Variants in MYO18B observed in about 807,000 individuals in gnomAD.
MYO18B encodes the protein myosin XVIIIB.
MYO18B carries 204 observed loss-of-function variants against 273.0 expected under a neutral mutation model. The observed-to-expected ratio is 0.75, with a 90% CI of 0.67 to 0.84. The LOEUF (loss-of-function observed/expected upper bound fraction) is 0.84, where lower values mean the gene tolerates loss of function less well. Among genes scored for constraint, MYO18B ranks in the 40% least tolerant of loss-of-function variants. The pLI is 0.00. For synonymous variants in MYO18B, 1,330 were observed against 1,305.7 expected (o/e 1.02, Z -0.40); for missense variants, 3,212 against 3,287.6 (o/e 0.98, Z 0.56).
chr22:25,990,714 AAAAAAAGAAAAAGAAAAAAAAAAAG>A (rs1569270753), intron 39 of MYO18B, among the ~76,000 whole-genome samples: 46 of 47,276 alleles, frequency 9.7e-4, no homozygotes, highest in Non-Finnish European at 1.5e-3. Context: ...AAAAAAAAAA[AAAAAAAGAAAAAGAAAAAAAAAAAG>A]ACTCCAGGCT....
At chr22:25,765,176 C>G (rs1052710972) in intron 3 of MYO18B, among the ~76,000 whole-genome samples, 1 of 152,160 alleles carries the variant, frequency 6.6e-6, no homozygotes, top group African/African-American at 2.4e-5. Flanking sequence ...CAGGATGGCT[C>G]TGAGCCTCAG....
chr22:25,874,227 C>CCT (rs2091128309), intron 22 of MYO18B, 59 bp from the exon 23 acceptor site: 6 of 1,604,022 alleles, frequency 3.7e-6, no homozygotes, highest in Middle Eastern at 3.4e-4. Flanking sequence ...GCAAGCACCC[C>CCT]CCCATTGTAG....
chr22:25,821,350 C>G (rs971741672), intron 12 of MYO18B, among the ~76,000 whole-genome samples: 9 of 151,994 alleles, frequency 5.9e-5, no homozygotes, highest in African/African-American at 2.2e-4. Flanking sequence ...TTTTGTCACC[C>G]CATCCTACTG....
At chr22:25,800,176 A>T (rs1569037351) in intron 12 of MYO18B, among the ~76,000 whole-genome samples, 1 of 152,012 alleles carries the variant, frequency 6.6e-6, no homozygotes, top group Non-Finnish European at 1.5e-5. Context: ...GACTTTGGGG[A>T]CTCAGGAGGG....
At chr22:25,997,968 C>CAA (rs1278356671) in intron 40 of MYO18B, among the ~76,000 whole-genome samples, 37 of 125,966 alleles carry the variant, frequency 2.9e-4, no homozygotes, top group African/African-American at 4.4e-4. Context: ...AACACACACA[C>CAA]ACACACACAC....
chr22:25,745,463 TC>T (rs2085749850), intron 1 of MYO18B, among the ~76,000 whole-genome samples: 2 of 130,530 alleles, frequency 1.5e-5, no homozygotes, highest in Admixed American at 8.2e-5. Flanking sequence ...GGTAGATTTC[TC>T]TCTCTCTGAC....
chr22:25,816,959 G>A (rs2089040819), intron 12 of MYO18B, among the ~76,000 whole-genome samples: 1 of 152,224 alleles, frequency 6.6e-6, no homozygotes, highest in South Asian at 2.1e-4. Context: ...GAGTAATTCA[G>A]CAACAGCACA....
In MYO18B at chr22:25,892,070, C is replaced by T. The variant is rs541073383; in HGVS notation, c.4543+658C>T. On this transcript the variant is annotated intron_variant, in intron 27 of 43. Transcript: ENST00000335473. ...GCTGTCTAGTGGTTAAAAGTTGGAA[C>T]CTATGAAGTTGTATTTCTGGATTTG... 3.9e-5 allele frequency among the ~76,000 whole-genome samples: 6 copies of T among 152,290 alleles called. No individual in the cohort carries two copies. The South Asian group carries it at 1.2e-3, about 32-fold the overall frequency.
At position 25,752,433 on chromosome 22, in the gene MYO18B, C is replaced by T. The variant is rs559218013; in HGVS notation, c.-109-8551C>T. ...CGATCTCCTGACCTCGTGATCCGCC[C>T]GCCTCGGCCTCACAAAGTGCTGGGA... On this transcript the variant is annotated intron_variant, in intron 1 of 43. Transcript: ENST00000335473. Among the ~76,000 whole-genome samples the T allele has an allele frequency of 6.5e-3, 988 of 151,762 alleles. 9 individuals are homozygous for T. Among genetic ancestry groups the T allele is most frequent in the African/African-American group, 0.022 (920 of 41,342 alleles).
chr22:25,835,671 C>T (rs182389489), intron 17 of MYO18B, among the ~76,000 whole-genome samples: 142 of 152,340 alleles, frequency 9.3e-4, no homozygotes, highest in Middle Eastern at 3.4e-3. Context: ...ACCAGCCTGG[C>T]GTGGGCCAGT....
At position 25,770,960 on chromosome 22, in the gene MYO18B, G is replaced by T. The variant is rs374703514; in HGVS notation, c.1668G>T (p.Glu556Asp). The change falls in exon 6 of 44, where the codon GAG becomes GAT. Residue 556 changes from glutamate (E) to aspartate (D), a missense_variant. Glu to Asp is a conservative substitution (Grantham distance 45). Coordinates refer to ENST00000335473, the MANE Select transcript of MYO18B (RefSeq NM_032608.7). ...TTGATGCTGACAAAACCATCACTGA[G>T]GTGGATGAGGAGCATGTCCATCGGG... ...LWIDADKTIT[E>D]VDEEHVHRAN... The T allele has an allele frequency of 1.3e-6, 2 of 1,552,112 alleles. No individual in the cohort carries two copies. Among genetic ancestry groups the T allele is most frequent in the African/African-American group, 1.4e-5 (1 of 73,048 alleles).
At chr22:26,032,571 G>T (rs973747799), downstream of MYO18B, among the ~76,000 whole-genome samples, 1 of 146,988 alleles carries the variant, frequency 6.8e-6, no homozygotes, top group African/African-American at 2.6e-5. Flanking sequence ...GCCCAGGCTG[G>T]AGTGCAGTGG....
chr22:25,908,350 A>G lies in MYO18B; in HGVS notation c.5177A>G (p.Glu1726Gly). 6.3e-7 allele frequency: 1 copy of G among 1,597,322 alleles called. No homozygotes were observed. The highest frequency in any genetic ancestry group is 8.5e-7 in the Non-Finnish European group (1 of 1,172,222). Reference protein sequence around the residue: ...QLRQRFELEIERMKQMHQKDR... With the variant: ...QLRQRFELEIGRMKQMHQKDR... ...CGCCAGCGGTTTGAGCTGGAGATCG[A>G]GCGGATGAAGCAGATGCACCAGAAG... Residue 1726 changes from glutamate (E) to glycine (G), a missense_variant, in exon 32 of 44, where the codon GAG (glutamate) becomes GGG (glycine). Transcript: ENST00000335473.
intron 39 of MYO18B, chr22:25,964,958 A>C (rs2092961154): frequency 6.6e-6 from 1 of 152,138 alleles, no homozygotes; most frequent in Non-Finnish European, 1.5e-5. Flanking sequence ...TCCAATCCCA[A>C]CCTTCCTGAG....
intron 42 of MYO18B, among the ~76,000 whole-genome samples, chr22:26,005,833 G>A (rs1323598651): frequency 6.6e-6 from 1 of 152,140 alleles, no homozygotes; most frequent in Non-Finnish European, 1.5e-5. Context: ...AAACTTTTGG[G>A]CATATTTGGC....
intron 22 of MYO18B, among the ~76,000 whole-genome samples, chr22:25,872,086 G>C (rs958239803): frequency 6.6e-6 from 1 of 152,018 alleles, no homozygotes; most frequent in Non-Finnish European, 1.5e-5. Context: ...ATTTCAATGA[G>C]ACTAATGGTC....
intron 39 of MYO18B, among the ~76,000 whole-genome samples, chr22:25,980,576 G>A (rs564295415): frequency 6.6e-6 from 1 of 152,234 alleles, no homozygotes; most frequent in Non-Finnish European, 1.5e-5. Flanking sequence ...ATACTCATAC[G>A]CAGAAATCAA....
intron 1 of MYO18B, among the ~76,000 whole-genome samples, chr22:25,757,750 C>G (rs148296145): frequency 2.6e-5 from 4 of 152,278 alleles, no homozygotes; most frequent in Non-Finnish European, 5.9e-5. Flanking sequence ...AGAAGAGACA[C>G]CTTCCTCCAC....
chr22:25,901,619 T>C (rs1265840907), intron 29 of MYO18B: 1 of 152,138 alleles, frequency 6.6e-6, no homozygotes, highest in Non-Finnish European at 1.5e-5. Context: ...ATCAGCATGC[T>C]TTAGTATGGC....
Sources: gnomAD v4.1 joint callset for allele counts (sites outside exome capture counted in the v4.1 genomes callset) on GRCh38, gnomAD v4.1.1 for gene constraint, MANE v1.5 for transcripts, NCBI Gene and HGNC (gene_info 2026-07-23, HGNC 2026-07-21) for gene names.